CCDC188: variants seen among roughly 807,000 people sequenced by gnomAD.
CCDC188 encodes the protein coiled-coil domain-containing protein 188.
Under a neutral mutation model 50.7 loss-of-function variants are expected in CCDC188, and 37 were observed. The ratio of observed to expected loss-of-function variants is 0.73; its 90% CI spans 0.56 to 0.96. The LOEUF (loss-of-function observed/expected upper bound fraction) is 0.96. CCDC188 is among the 40% of genes least tolerant of loss of function. The pLI is 0.00. For synonymous variants in CCDC188, 208 were observed against 228.0 expected, an observed-to-expected ratio of 0.91 and a Z score of 0.79; for missense variants, 453 against 512.9, an observed-to-expected ratio of 0.88 and a Z score of 1.13.
Position 20,148,554 on chromosome 22 carries a change from TG to T in CCDC188, c.*59del. 1 of 1,467,158 alleles carries T rather than the reference TG, an allele frequency of 6.8e-7. No individual in the cohort carries two copies. Among genetic ancestry groups the T allele is most frequent in the Non-Finnish European group, 9.0e-7 (1 of 1,109,854 alleles). The allele number at this position is 1,467,158 out of a possible 1,614,324, so 90.9% of individuals were successfully genotyped here. A position where few individuals can be genotyped will look rare whatever the true frequency, so the allele number is the denominator to read the frequency against. On this transcript the variant is annotated 3_prime_UTR_variant, in exon 9 of 9. Coordinates refer to ENST00000439765, the MANE Select transcript of CCDC188 (RefSeq NM_001365892.2). ...ATGTGCAGGGGGCTGGCACGGCCACTGGGCATCCGGGGCAGTGCTGGTCGCC... is the reference window on the plus strand; with the variant it reads ...ATGTGCAGGGGGCTGGCACGGCCACTGGCATCCGGGGCAGTGCTGGTCGCC...
At chr22:20,149,027 C>T in intron 7 of CCDC188, 103 bp from the exon 8 acceptor site, 1 of 1,320,468 alleles carries the variant, frequency 7.6e-7, no homozygotes, top group South Asian at 1.5e-5. Flanking sequence ...CCCCGCACCG[C>T]AGCCCTGGCC....
chr22:20,149,544 G>T (rs1175607972), intron 5 of CCDC188, 37 bp downstream of exon 5: 15 of 1,550,010 alleles, frequency 9.7e-6, no homozygotes, highest in Non-Finnish European at 1.2e-5. Flanking sequence ...CGCCCGCCGG[G>T]CCCCGTCCTT....
chr22:20,149,354 T>A, intron 6 of CCDC188, 58 bp downstream of exon 6: 1 of 1,548,910 alleles, frequency 6.5e-7, no homozygotes, highest in East Asian at 2.4e-5. Context: ...TGCCCTGTCC[T>A]GACCAGGACA....
At position 20,148,511 on chromosome 22, in the gene CCDC188, A is replaced by T. The variant is rs2050555869; in HGVS notation, c.*103T>A. On this transcript the variant is annotated 3_prime_UTR_variant, in exon 9 of 9. Coordinates refer to ENST00000439765, the MANE Select transcript of CCDC188 (RefSeq NM_001365892.2). ...CCCTTCTCTGCAGCTTCTGGCAAGGATGGTGCACAGTGGTGCCATGTGCAG... is the reference window on the plus strand; with the variant it reads ...CCCTTCTCTGCAGCTTCTGGCAAGGTTGGTGCACAGTGGTGCCATGTGCAG... 7.1e-7 allele frequency: 1 copy of T among 1,405,396 alleles called. No homozygotes were observed. The highest frequency in any genetic ancestry group is 9.2e-7 in the Non-Finnish European group (1 of 1,082,152). 87.1% of individuals were successfully genotyped at this position (1,405,396 alleles called of 1,614,324 possible).
At chr22:20,149,358 C>A in intron 6 of CCDC188, 54 bp downstream of exon 6, 1 of 1,549,250 alleles carries the variant, frequency 6.5e-7, no homozygotes, top group Non-Finnish European at 8.7e-7. Flanking sequence ...CTGTCCTGAC[C>A]AGGACACCTT....
chr22:20,149,570 T>C lies in CCDC188; in HGVS notation c.849+11A>G. On this transcript the variant is annotated intron_variant, in intron 5 of 8. Coordinates refer to ENST00000439765, the MANE Select transcript of CCDC188 (RefSeq NM_001365892.2). ...CCCCGTCCTTCTGGGTGCTGCCCTG[T>C]GGGGACCTACCAGGAGCCCGGTGGC... is the stretch of plus-strand genomic sequence containing the variant. 1.3e-6 allele frequency: 2 copies of C among 1,550,198 alleles called. No homozygotes were observed. The highest frequency in any genetic ancestry group is 1.7e-6 in the Non-Finnish European group (2 of 1,146,912).
chr22:20,149,933 A>G (rs930982987), intron 3 of CCDC188, 22 bp downstream of exon 3: 1 of 1,512,238 alleles, frequency 6.6e-7, no homozygotes, highest in Non-Finnish European at 8.9e-7. Flanking sequence ...CTCCCCCCCC[A>G]CAGCCCCTCC....
chr22:20,148,747 T>C lies in CCDC188; in HGVS notation c.1076A>G (p.Tyr359Cys). ...AGGTGTGGGGTTCACCACGTACACG[T>C]AGGCAGCGGTCCAGACCAGCAGGGC... ...LGALLVWTAA[Y>C]VYVVNPTPFE... The change falls in exon 9 of 9, where the codon TAC (tyrosine) becomes TGC (cysteine). Residue 359 changes from tyrosine (Y) to cysteine (C), a missense_variant. Transcript: ENST00000439765. The C allele has an allele frequency of 6.7e-7, 1 of 1,498,898 alleles. No homozygotes were observed. The highest frequency in any genetic ancestry group is 1.3e-5 in the South Asian group (1 of 78,074). 92.8% of individuals were successfully genotyped at this position (1,498,898 alleles called of 1,614,324 possible). A position where few individuals can be genotyped will look rare whatever the true frequency, so the allele number is the denominator to read the frequency against.
Position 20,150,228 on chromosome 22 carries a change from C to T in CCDC188, c.542G>A (p.Arg181Gln), listed in dbSNP as rs761263423. Reference protein sequence around the residue: ...HSLKRQNQELREQLGALLGPG... With the variant: ...HSLKRQNQELQEQLGALLGPG... Reference sequence around the variant, plus strand: ...CCCCAGGAGGGCCCCCAGCTGCTCCCGAAGTTCCTGATTCTGCCTTTTCTG... The same window carrying T: ...CCCCAGGAGGGCCCCCAGCTGCTCCTGAAGTTCCTGATTCTGCCTTTTCTG... Residue 181 changes from arginine to glutamine, a missense_variant, in exon 2 of 9, where the codon CGG (arginine) becomes CAG (glutamine). Coordinates refer to ENST00000439765, the MANE Select transcript of CCDC188 (RefSeq NM_001365892.2). 29 of 1,547,962 alleles carry T rather than the reference C, an allele frequency of 1.9e-5. No individual in the cohort carries two copies. In the East Asian group the frequency reaches 2.2e-4, roughly 12 times the overall value.
Position 20,149,915 on chromosome 22 carries a change from G to A in CCDC188, c.732+40C>T, listed in dbSNP as rs763556743. ...TCAGGCCCACCTGGAGTGCTGTTACGAAGCTTCCTCCCCCCCCACAGCCCC... is the reference window on the plus strand; with the variant it reads ...TCAGGCCCACCTGGAGTGCTGTTACAAAGCTTCCTCCCCCCCCACAGCCCC... On this transcript the variant is annotated intron_variant, in intron 3 of 8. Coordinates refer to ENST00000439765, the MANE Select transcript of CCDC188 (RefSeq NM_001365892.2). 9.3e-6 allele frequency: 14 copies of A among 1,512,234 alleles called. No individual in the cohort carries two copies. In the East Asian group the frequency reaches 1.2e-4, roughly 13 times the overall value. The allele number at this position is 1,512,234 out of a possible 1,614,324, so 93.7% of individuals were successfully genotyped here.
rs1420273746 is a variant in CCDC188, at chr22:20,150,641, G to A, written c.346C>T (p.Pro116Ser). The change falls in exon 1 of 9, where the codon CCC becomes TCC. Residue 116 changes from proline (P) to serine (S), a missense_variant. Physicochemically the swap from Pro to Ser is moderately conservative, Grantham distance 74 (BLOSUM62 -1). Coordinates refer to ENST00000439765, the MANE Select transcript of CCDC188 (RefSeq NM_001365892.2). ...PLHPGSNQGA[P>S]RQGGSIGSGT... is the part of the protein sequence containing the mutation. ...GAGCCAATGGATCCCCCCTGCCTGG[G>A]AGCCCCCTGGTTCGACCCTGGGTGC... The A allele has an allele frequency of 6.5e-7, 1 of 1,543,688 alleles. No individual in the cohort carries two copies. Among genetic ancestry groups the A allele is most frequent in the East Asian group, 2.5e-5 (1 of 40,734 alleles).
At chr22:20,149,006 C>G (rs2148015323) in intron 7 of CCDC188, 82 bp from the exon 8 acceptor site, 2 of 1,390,500 alleles carry the variant, frequency 1.4e-6, no homozygotes, top group East Asian at 2.6e-5. Flanking sequence ...AAACCCTCCT[C>G]AGACAGGGCT....
In CCDC188 at chr22:20,148,583, GC is replaced by G. The variant is rs1322306875; in HGVS notation, c.*30del. ...CATCCGGGGCAGTGCTGGTCGCCTG[GC>G]CTCCTTGCTGGGGCCGCTGGGCCTC... On this transcript the variant is annotated 3_prime_UTR_variant, in exon 9 of 9. Coordinates refer to ENST00000439765, the MANE Select transcript of CCDC188 (RefSeq NM_001365892.2). 6.6e-7 allele frequency: 1 copy of G among 1,512,798 alleles called. No homozygotes were observed. The highest frequency in any genetic ancestry group is 8.8e-7 in the Non-Finnish European group (1 of 1,130,692). 93.7% of individuals were successfully genotyped at this position (1,512,798 alleles called of 1,614,324 possible).
rs551076009 is a variant in CCDC188, at chr22:20,149,176, G to T, written c.972+11C>A. 2.3e-4 allele frequency: 342 copies of T among 1,464,588 alleles called. 1 individual carries two copies. Among genetic ancestry groups the T allele is most frequent in the Non-Finnish European group, 2.9e-4 (322 of 1,105,378 alleles). The allele number at this position is 1,464,588 out of a possible 1,614,324, so 90.7% of individuals were successfully genotyped here. On this transcript the variant is annotated intron_variant, in intron 7 of 8. Transcript: ENST00000439765. Reference sequence around the variant, plus strand: ...GGTCTCCAGACCCAGAGTGGGGCGTGGGGGGCTCACCGACATGCTTGCCAT... The same window carrying T: ...GGTCTCCAGACCCAGAGTGGGGCGTTGGGGGCTCACCGACATGCTTGCCAT...
At position 20,150,002 on chromosome 22, in the gene CCDC188, G is replaced by A. The variant is rs748212586; in HGVS notation, c.685C>T (p.Arg229Trp). Residue 229 changes from arginine to tryptophan, a missense_variant, in exon 3 of 9, where the codon CGG becomes TGG. Coordinates refer to ENST00000439765, the MANE Select transcript of CCDC188 (RefSeq NM_001365892.2). ...LGNRAPLQLL[R>W]RELCQGQEAF... is the part of the protein sequence containing the mutation. Reference sequence around the variant, plus strand: ...TCTTGCCCCTGGCACAGCTCCCGCCGCAGCAGCTGCAGAGGTGCCCTGTTC... The same window carrying A: ...TCTTGCCCCTGGCACAGCTCCCGCCACAGCAGCTGCAGAGGTGCCCTGTTC... 21 of 1,548,224 alleles carry A rather than the reference G, an allele frequency of 1.4e-5. No individual in the cohort carries two copies. Among genetic ancestry groups the A allele is most frequent in the South Asian group, 6.0e-5 (5 of 83,926 alleles).
At position 20,150,956 on chromosome 22, in the gene CCDC188, C is replaced by G; in HGVS notation, c.31G>C (p.Gly11Arg). ...GGGGGACACTGGGGGTGGGGGTGGCCGCAGGGGCCCAGGGTTTTCAGCCCC... is the reference window on the plus strand; with the variant it reads ...GGGGGACACTGGGGGTGGGGGTGGCGGCAGGGGCCCAGGGTTTTCAGCCCC... MEGLKTLGPC[G>R]HPHPQCPPTP... The change falls in exon 1 of 9, where the codon GGC (glycine) becomes CGC (arginine). Residue 11 changes from glycine (G) to arginine (R), a missense_variant. By Grantham distance (125) the Gly-to-Arg change is moderately radical. Transcript: ENST00000439765. 4 of 1,407,602 alleles carry G rather than the reference C, an allele frequency of 2.8e-6. No homozygotes were observed. The highest frequency in any genetic ancestry group is 3.7e-6 in the Non-Finnish European group (4 of 1,074,214). 87.2% of individuals were successfully genotyped at this position (1,407,602 alleles called of 1,614,324 possible).
chr22:20,150,107 C>T (rs1373527089), intron 2 of CCDC188, 36 bp downstream of exon 2: 2 of 1,539,776 alleles, frequency 1.3e-6, no homozygotes, highest in Non-Finnish European at 1.8e-6. Context: ...GCTAGAGGGG[C>T]GTTGGCTGCA....
intron 1 of CCDC188, 55 bp downstream of exon 1, chr22:20,150,413 A>G: frequency 1.1e-6 from 1 of 939,512 alleles, no homozygotes. Context: ...GGGCAGGGGT[A>G]CCAGGCGGTG....
Position 20,150,800 on chromosome 22 carries a change from C to T in CCDC188, c.187G>A (p.Ala63Thr). The change falls in exon 1 of 9, where the codon GCA becomes ACA. Residue 63 changes from alanine (A) to threonine (T), a missense_variant. By Grantham distance (58) the Ala-to-Thr change is moderately conservative. Transcript: ENST00000439765. ...QSQRPFPVPG[A>T]GGSGPTVEGE... is the part of the protein sequence containing the mutation. Reference sequence around the variant, plus strand: ...TCCACTGTGGGCCCACTGCCCCCTGCCCCTGGGACTGGGAAAGGTCTCTGG... The same window carrying T: ...TCCACTGTGGGCCCACTGCCCCCTGTCCCTGGGACTGGGAAAGGTCTCTGG... 6.5e-7 allele frequency: 1 copy of T among 1,549,540 alleles called. No homozygotes were observed. The highest frequency in any genetic ancestry group is 1.2e-5 in the South Asian group (1 of 84,020).
Sources: allele counts gnomAD v4.1 joint callset, GRCh38; gene constraint gnomAD v4.1.1; transcripts MANE v1.5; gene names NCBI Gene and HGNC (gene_info 2026-07-23, HGNC 2026-07-21).